The following PRKCE variants were observed in gnomAD, a reference collection of about 807,000 sequenced individuals.
PRKCE encodes the protein protein kinase C epsilon.
A neutral mutation model predicts 85.4 loss-of-function variants in PRKCE; 16 were observed. That is an observed-to-expected ratio of 0.19 (90% confidence interval 0.13 to 0.28). The LOEUF is 0.28. Among genes scored for constraint, PRKCE ranks in the 10% least tolerant of loss-of-function variants. PRKCE has a pLI of 1.00. For synonymous variants in PRKCE, 388 were observed against 371.5 expected (o/e 1.04, Z -0.51); for missense variants, 573 against 975.2 (o/e 0.59, Z 5.49).
chr2:45,879,853 A>G (rs1694754804), intron 2 of PRKCE, among the ~76,000 whole-genome samples: 1 of 152,224 alleles, frequency 6.6e-6, no homozygotes, highest in African/African-American at 2.4e-5. Context: ...CATATCCACA[A>G]TCTCAAACAC....
In PRKCE at chr2:46,066,687, C is replaced by T. The variant is rs114948639; in HGVS notation, c.1438-19521C>T. Among the ~76,000 whole-genome samples the T allele has an allele frequency of 7.0e-3, 1,068 of 152,260 alleles. 8 individuals are homozygous for T. Among genetic ancestry groups the T allele is most frequent in the Non-Finnish European group, 0.011 (748 of 68,024 alleles). On this transcript the variant is annotated intron_variant, in intron 10 of 14. Transcript: ENST00000306156. The stretch of plus-strand genomic sequence containing the variant: ...TCTCGCTGTGCTCTTAGGCTACAGG[C>T]AACTGTTGTCACTGGCTGACCCTTG...
At chr2:45,754,565 C>T (rs911707268) in intron 1 of PRKCE, among the ~76,000 whole-genome samples, 8 of 152,212 alleles carry the variant, frequency 5.3e-5, no homozygotes, top group Non-Finnish European at 1.2e-4. Context: ...CTCCACACAC[C>T]TAGTCCACTT....
At chr2:45,792,946 C>A (rs1033746898) in intron 1 of PRKCE, among the ~76,000 whole-genome samples, 1 of 152,042 alleles carries the variant, frequency 6.6e-6, no homozygotes, top group African/African-American at 2.4e-5. Context: ...TTACAGGCAC[C>A]CGCCACCACT....
chr2:45,967,463 CAG>C (rs1281975986), intron 2 of PRKCE, among the ~76,000 whole-genome samples: 7 of 152,118 alleles, frequency 4.6e-5, no homozygotes, highest in South Asian at 2.1e-4. Context: ...GAAGGGCAAA[CAG>C]GGGCCAGGCT....
chr2:45,917,247 T>C (rs1247791130), intron 2 of PRKCE, among the ~76,000 whole-genome samples: 1 of 152,098 alleles, frequency 6.6e-6, no homozygotes, highest in African/African-American at 2.4e-5. Flanking sequence ...ACACAAAGGT[T>C]CTCCAAGTCG....
chr2:45,717,732 C>T (rs1414518579), intron 1 of PRKCE, among the ~76,000 whole-genome samples: 1 of 152,178 alleles, frequency 6.6e-6, no homozygotes, highest in African/African-American at 2.4e-5. Flanking sequence ...CCTGAGGGTC[C>T]CTTACCCACT....
intron 1 of PRKCE, among the ~76,000 whole-genome samples, chr2:45,797,868 T>C (rs2105153383): frequency 6.6e-6 from 1 of 152,364 alleles, no homozygotes; most frequent in South Asian, 2.1e-4. Flanking sequence ...CCAGGCCTTC[T>C]CATGGAACTC....
chr2:46,122,670 T>C (rs969020472), intron 11 of PRKCE, among the ~76,000 whole-genome samples: 2 of 152,188 alleles, frequency 1.3e-5, no homozygotes, highest in African/African-American at 4.8e-5. Flanking sequence ...ATAATTATTA[T>C]TGAGGGGTTA....
chr2:45,823,252 T>C (rs900750876), intron 1 of PRKCE, among the ~76,000 whole-genome samples: 1 of 152,232 alleles, frequency 6.6e-6, no homozygotes, highest in Non-Finnish European at 1.5e-5. Context: ...GACCACAGCC[T>C]TCCTGCTACT....
At chr2:45,834,588 G>A (rs1287083275) in intron 1 of PRKCE, among the ~76,000 whole-genome samples, 5 of 148,790 alleles carry the variant, frequency 3.4e-5, no homozygotes, top group African/African-American at 1.0e-4. Flanking sequence ...GTGCGCATGT[G>A]TGTATGTGTG....
chr2:45,673,875 T>C (rs747494200), intron 1 of PRKCE, among the ~76,000 whole-genome samples: 1 of 152,204 alleles, frequency 6.6e-6, no homozygotes, highest in Non-Finnish European at 1.5e-5. Context: ...CCAGGGATCG[T>C]TCCTATGGAA....
At chr2:46,101,053 A>G (rs1435478405) in intron 11 of PRKCE, among the ~76,000 whole-genome samples, 1 of 152,120 alleles carries the variant, frequency 6.6e-6, no homozygotes, top group African/African-American at 2.4e-5. Context: ...GATTTTTAGT[A>G]GAAATGGGGT....
intron 1 of PRKCE, among the ~76,000 whole-genome samples, chr2:45,816,409 C>T (rs187114815): frequency 1.3e-3 from 204 of 152,206 alleles, no homozygotes; most frequent in Admixed American, 1.6e-3. Context: ...GATTGTTTTT[C>T]CTGGGGATGA....
In PRKCE at chr2:46,163,418, A is replaced by G. The variant is rs552586306; in HGVS notation, c.2067+3666A>G. On this transcript the variant is annotated intron_variant, in intron 14 of 14. Coordinates refer to ENST00000306156, the MANE Select transcript of PRKCE (RefSeq NM_005400.3). ...ACGGGGAAGCTGAGGCACTCCCCAC[A>G]GAGGCCACTAAGAGACACAGGGAAG... 9.5e-4 allele frequency among the ~76,000 whole-genome samples: 133 copies of G among 139,658 alleles called. No individual in the cohort carries two copies. The Middle Eastern group carries it at 0.011, about 12-fold the overall frequency. The allele number at this position is 139,658 out of a possible 152,430, so 91.6% of individuals were successfully genotyped here. A position where few individuals can be genotyped will look rare whatever the true frequency, so the allele number is the denominator to read the frequency against.
At chr2:45,760,337 TC>T (rs1684360949) in intron 1 of PRKCE, among the ~76,000 whole-genome samples, 1 of 152,154 alleles carries the variant, frequency 6.6e-6, no homozygotes, top group Admixed American at 6.5e-5. Flanking sequence ...GTTTTGCACT[TC>T]TTGGCAGCCA....
At chr2:46,040,900 T>C (rs1708179346) in intron 10 of PRKCE, among the ~76,000 whole-genome samples, 1 of 152,214 alleles carries the variant, frequency 6.6e-6, no homozygotes, top group South Asian at 2.1e-4. Context: ...CGAATCTCAG[T>C]TTTAAATGTA....
chr2:45,664,784 C>A (rs1438672547), intron 1 of PRKCE, among the ~76,000 whole-genome samples: 3 of 152,216 alleles, frequency 2.0e-5, no homozygotes, highest in African/African-American at 7.2e-5. Context: ...TCTGCATTAG[C>A]TTGTGGGCCT....
chr2:46,018,263 A>T (rs1338402450), intron 10 of PRKCE, among the ~76,000 whole-genome samples: 1 of 152,158 alleles, frequency 6.6e-6, no homozygotes, highest in Non-Finnish European at 1.5e-5. Context: ...CTTACTGAGC[A>T]CCTGCTATGT....
At chr2:46,118,606 A>G (rs1446234206) in intron 11 of PRKCE, among the ~76,000 whole-genome samples, 1 of 152,236 alleles carries the variant, frequency 6.6e-6, no homozygotes, top group Non-Finnish European at 1.5e-5. Context: ...ACTGCCTAAC[A>G]ACTGGCTTCA....
Sources: allele counts gnomAD v4.1 joint callset (sites outside exome capture counted in the v4.1 genomes callset), GRCh38; gene constraint gnomAD v4.1.1; transcripts MANE v1.5; gene names NCBI Gene and HGNC (gene_info 2026-07-23, HGNC 2026-07-21).